The following TBP variants were observed in gnomAD, a reference collection of about 807,000 sequenced individuals.
The protein encoded by TBP is TATA-box-binding protein.
Under a neutral mutation model 46.2 loss-of-function variants are expected in TBP, and 12 were observed. The ratio of observed to expected loss-of-function variants is 0.26; its 90% CI spans 0.17 to 0.42. The LOEUF is 0.42. TBP is among the 10% of genes least tolerant of loss of function. The probability of loss-of-function intolerance (pLI) is 1.00; values close to 1 mark genes in which losing one functional copy is unlikely to be tolerated. For synonymous variants in TBP, 157 were observed against 148.3 expected, an observed-to-expected ratio of 1.06 and a Z score of -0.42; for missense variants, 229 against 403.1, an observed-to-expected ratio of 0.57 and a Z score of 3.70.
At chr6:170,554,914 A>G (rs1778986927) in intron 1 of TBP, among the ~76,000 whole-genome samples, 1 of 152,156 alleles carries the variant, frequency 6.6e-6, no homozygotes, top group East Asian at 1.9e-4. Flanking sequence ...AGCGCTTAAG[A>G]TATAATACAC....
chr6:170,570,669 C>T (rs970182005), intron 6 of TBP, among the ~76,000 whole-genome samples: 1 of 152,038 alleles, frequency 6.6e-6, no homozygotes, highest in Non-Finnish European at 1.5e-5. Context: ...CTCGTCTTTA[C>T]TAAAAATACA....
At chr6:170,564,716 A>G (rs945817907) in intron 4 of TBP, 84 bp downstream of exon 4, 4 of 912,520 alleles carry the variant, frequency 4.4e-6, no homozygotes, top group Non-Finnish European at 6.4e-6. Context: ...ATTTCACGCT[A>G]TAAAACAAAT....
chr6:170,559,431 A>G (rs1026479412), intron 2 of TBP, among the ~76,000 whole-genome samples: 1 of 152,240 alleles, frequency 6.6e-6, no homozygotes, highest in African/African-American at 2.4e-5. Context: ...ATAAGAAAGC[A>G]AAACAGCCTT....
intron 2 of TBP, 111 bp from the exon 3 acceptor site, chr6:170,561,680 A>G: frequency 1.3e-6 from 2 of 1,514,642 alleles, no homozygotes; most frequent in South Asian, 1.3e-5. Context: ...TAACCCCATT[A>G]TTCTCCGAAG....
At position 170,561,961 on chromosome 6, in the gene TBP, GCA is replaced by G. The variant is rs1562359570; in HGVS notation, c.226_227del (p.Gln76AlafsTer101). 3.8e-6 allele frequency: 2 copies of G among 531,274 alleles called. No homozygotes were observed. The highest frequency in any genetic ancestry group is 8.9e-5 in the East Asian group (1 of 11,244). The allele number at this position is 531,274 out of a possible 1,614,324, so 32.9% of individuals were successfully genotyped here. A position where few individuals can be genotyped will look rare whatever the true frequency, so the allele number is the denominator to read the frequency against. ...AGCAGCAGCAGCAGCAACAGCAACA[GCA>G]GCAGCAGCAGCAGCAGCAGCAGCAG... is the stretch of plus-strand genomic sequence containing the variant. ...QQQQQQQQQQ[Q>X]QQQQQQQQQQ... On this transcript the variant is annotated frameshift_variant, in exon 3 of 8. Coordinates refer to ENST00000392092, the MANE Select transcript of TBP (RefSeq NM_003194.5). LOFTEE classifies it high-confidence loss of function.
rs904248845 is a variant in TBP, at chr6:170,572,193, A to T, written c.948A>T (p.Lys316Asn). 6.2e-7 allele frequency: 1 copy of T among 1,613,890 alleles called. No individual in the cohort carries two copies. Among genetic ancestry groups the T allele is most frequent in the Admixed American group, 1.7e-5 (1 of 60,016 alleles). The change falls in exon 8 of 8, where the codon AAA (lysine) becomes AAT (asparagine). Residue 316 changes from lysine to asparagine, a missense_variant. Physicochemically the swap from Lys to Asn is moderately conservative, Grantham distance 94. This residue lies in a region of TBP where 44 missense variants were observed against 54.1 expected (regional missense o/e 0.81). Coordinates refer to ENST00000392092, the MANE Select transcript of TBP (RefSeq NM_003194.5). The stretch of plus-strand genomic sequence containing the variant: ...TCCAACTTGTCTTCTTAGGTGCTAA[A>T]GTCAGAGCAGAAATTTATGAAGCAT... ...VSGKVVLTGA[K>N]VRAEIYEAFE...
At chr6:170,559,929 A>G (rs1026083821) in intron 2 of TBP, among the ~76,000 whole-genome samples, 2 of 152,232 alleles carry the variant, frequency 1.3e-5, no homozygotes, top group African/African-American at 4.8e-5. Flanking sequence ...GAATTACGCT[A>G]AATCTACTCT....
chr6:170,571,394 G>A lies in TBP; in HGVS notation c.846-16G>A, dbSNP rs199911417. 2 of 1,590,186 alleles carry A rather than the reference G, an allele frequency of 1.3e-6. No homozygotes were observed. Among genetic ancestry groups the A allele is most frequent in the East Asian group, 4.5e-5 (2 of 44,726 alleles). ...AAAGCTCTTGATTTCTAAACTTTTT[G>A]CAATTTTCCTTCTAGTTATGAGCCA... is the stretch of plus-strand genomic sequence containing the variant. On this transcript the variant is annotated splice_polypyrimidine_tract_variant and intron_variant, in intron 6 of 7. Coordinates refer to ENST00000392092, the MANE Select transcript of TBP (RefSeq NM_003194.5).
chr6:170,570,259 G>T (rs915632035), intron 6 of TBP, among the ~76,000 whole-genome samples: 3 of 152,152 alleles, frequency 2.0e-5, no homozygotes, highest in Admixed American at 2.0e-4. Context: ...TTCATCTCAT[G>T]GTCTTCTGGT....
At chr6:170,567,249 C>A in intron 5 of TBP, 1 of 163,918 alleles carries the variant, frequency 6.1e-6, no homozygotes, top group Non-Finnish European at 1.3e-5. Flanking sequence ...TGGTGTCTCA[C>A]CAAGGCGGGC....
At chr6:170,563,291 GC>G (rs1284764405) in intron 3 of TBP, among the ~76,000 whole-genome samples, 3 of 152,124 alleles carry the variant, frequency 2.0e-5, no homozygotes, top group Non-Finnish European at 4.4e-5. Flanking sequence ...TCTTGCGAGT[GC>G]CTTTGCTGTT....
intron 2 of TBP, 87 bp from the exon 3 acceptor site, chr6:170,561,704 C>T (rs1779140586): frequency 6.5e-7 from 1 of 1,543,838 alleles, no homozygotes; most frequent in African/African-American, 1.4e-5. Flanking sequence ...TCTGTCTTTG[C>T]ACACCTGACC....
Position 170,572,301 on chromosome 6 carries a change from C to A in TBP, c.*36C>A. The A allele has an allele frequency of 2.5e-6, 3 of 1,210,098 alleles. No individual in the cohort carries two copies. Among genetic ancestry groups the A allele is most frequent in the Non-Finnish European group, 3.5e-6 (3 of 867,018 alleles). 75.0% of individuals were successfully genotyped at this position (1,210,098 alleles called of 1,614,324 possible). A position where few individuals can be genotyped will look rare whatever the true frequency, so the allele number is the denominator to read the frequency against. On this transcript the variant is annotated 3_prime_UTR_variant, in exon 8 of 8. Transcript: ENST00000392092. ...GTACCCTTGCCTCCCCCACCCCCTT[C>A]TTTTTTTTTTTTTAAACAAATCAGT... is the stretch of plus-strand genomic sequence containing the variant.
At chr6:170,557,945 T>G (rs1205456190) in intron 2 of TBP, among the ~76,000 whole-genome samples, 1 of 152,156 alleles carries the variant, frequency 6.6e-6, no homozygotes, top group African/African-American at 2.4e-5. Context: ...GAAGATTAGT[T>G]TTGTCTATTC....
chr6:170,568,762 G>GCCTGCCT (rs1415568113), intron 5 of TBP, among the ~76,000 whole-genome samples: 2 of 142,722 alleles, frequency 1.4e-5, no homozygotes, highest in Non-Finnish European at 3.0e-5. Context: ...CTGCCTGCCT[G>GCCTGCCT]CCTTTTTCTC....
chr6:170,562,941 C>T (rs1312020066), intron 3 of TBP, among the ~76,000 whole-genome samples: 1 of 152,100 alleles, frequency 6.6e-6, no homozygotes, highest in Non-Finnish European at 1.5e-5. Flanking sequence ...CTTCATACTC[C>T]CTTTAGATCT....
intron 2 of TBP, among the ~76,000 whole-genome samples, chr6:170,559,518 A>C (rs111438200): frequency 1.3e-5 from 2 of 152,242 alleles, no homozygotes; most frequent in South Asian, 2.1e-4. Flanking sequence ...GCCAAAGTGT[A>C]ATACAGAGCA....
Position 170,562,160 on chromosome 6 carries a change from C to T in TBP, c.424C>T (p.Pro142Ser). 2 of 1,614,156 alleles carry T rather than the reference C, an allele frequency of 1.2e-6. No homozygotes were observed. The highest frequency in any genetic ancestry group is 1.7e-6 in the Non-Finnish European group (2 of 1,180,018). The part of the protein sequence containing the change: ...LPGTTPLYPS[P>S]MTPMTPITPA... ...GGGCACCACTCCACTGTATCCCTCC[C>T]CCATGACTCCCATGACCCCCATCAC... Residue 142 changes from proline (P) to serine (S), a missense_variant, in exon 3 of 8, where the codon CCC becomes TCC. Physicochemically the swap from Pro to Ser is moderately conservative, Grantham distance 74 (BLOSUM62 -1). This residue lies in a region of TBP where 69 missense variants were observed against 66.2 expected (regional missense o/e 1.04). Coordinates refer to ENST00000392092, the MANE Select transcript of TBP (RefSeq NM_003194.5).
chr6:170,557,212 T>C, intron 2 of TBP, 129 bp downstream of exon 2: 1 of 869,560 alleles, frequency 1.2e-6, no homozygotes, highest in South Asian at 1.6e-5. Flanking sequence ...TAAGCCTTAT[T>C]TTGTTGAGAA....
Sources: gnomAD v4.1 joint callset for allele counts (sites outside exome capture counted in the v4.1 genomes callset) on GRCh38, gnomAD v4.1.1 for gene constraint, gnomAD v4.1.1 regional missense constraint, MANE v1.5 for transcripts, NCBI Gene and HGNC (gene_info 2026-07-23, HGNC 2026-07-21) for gene names.